NLRP5: variants seen among roughly 807,000 people sequenced by gnomAD.
NLRP5 encodes NLR family pyrin domain containing 5.
NLRP5 carries 93 observed loss-of-function variants against 113.1 expected under a neutral mutation model. The observed-to-expected ratio is 0.82, with a 90% CI of 0.70 to 0.98. The LOEUF (loss-of-function observed/expected upper bound fraction) is 0.98, where lower values mean the gene tolerates loss of function less well. Ranked by LOEUF, NLRP5 falls within the 50% of genes least tolerant of loss-of-function variation. NLRP5 has a pLI of 0.00. For missense variants in NLRP5, 1,808 were observed against 1,514.3 expected (o/e 1.19, Z -3.22); for synonymous variants, 751 against 600.7 (o/e 1.25, Z -3.66).
At chr19:55,997,722 G>T (rs745960155), upstream of NLRP5, among the ~76,000 whole-genome samples, 1 of 152,068 alleles carries the variant, frequency 6.6e-6, no homozygotes, top group Non-Finnish European at 1.5e-5. Context: ...AAATAGCTGG[G>T]TGTGGTGGCT....
At chr19:56,036,827 T>G (rs1983335893) in intron 9 of NLRP5, among the ~76,000 whole-genome samples, 3 of 152,100 alleles carry the variant, frequency 2.0e-5, no homozygotes, top group African/African-American at 2.4e-5. Context: ...CATGATGGCA[T>G]GCACCTGTAA....
chr19:55,991,963 A>G, the NLRP5 span, among the ~76,000 whole-genome samples: 1 of 151,996 alleles, frequency 6.6e-6, no homozygotes, highest in African/African-American at 2.4e-5. Context: ...CTATTTCCTC[A>G]CCCAGGTTAT....
chr19:56,046,850 G>A (rs576119916), intron 11 of NLRP5, among the ~76,000 whole-genome samples: 8 of 152,292 alleles, frequency 5.3e-5, no homozygotes, highest in South Asian at 2.1e-4. Flanking sequence ...TTCTTTGAAC[G>A]TCTGGTAGAA....
In NLRP5 at chr19:56,003,936, T is replaced by A. The variant is rs1373447053; in HGVS notation, c.283T>A (p.Ser95Thr). 3.1e-6 allele frequency: 5 copies of A among 1,614,024 alleles called. No homozygotes were observed. The highest frequency in any genetic ancestry group is 4.2e-6 in the Non-Finnish European group (5 of 1,179,882). Residue 95 changes from serine (S) to threonine (T), a missense_variant, in exon 2 of 15, where the codon TCT (serine) becomes ACT (threonine). By Grantham distance (58) the Ser-to-Thr change is moderately conservative. Coordinates refer to ENST00000390649, the MANE Select transcript of NLRP5 (RefSeq NM_153447.4). The stretch of plus-strand genomic sequence containing the variant: ...GAAATCTTCAGAATCGACCACATGC[T>A]CTATTCCACAGTTTGAAATCGAGAA...
intron 4 of NLRP5, among the ~76,000 whole-genome samples, chr19:56,017,345 CCA>C (rs202125153): frequency 0.029 from 4,339 of 151,664 alleles, 219 homozygotes; most frequent in African/African-American, 0.099. Context: ...CTCACTAACC[CCA>C]AAAGGGGGTT....
At position 56,003,751 on chromosome 19, in the gene NLRP5, T is replaced by C. The variant is rs777475408; in HGVS notation, c.98T>C (p.Ile33Thr). ...CTTTCCACAGGTCCTACTTGCTCTA[T>C]ATTACCAAAGAATCCACTTTTCCCC... The change falls in exon 2 of 15, where the codon ATA becomes ACA. Residue 33 changes from isoleucine to threonine, a missense_variant. By Grantham distance (89) the Ile-to-Thr change is moderately conservative (BLOSUM62 -1). Coordinates refer to ENST00000390649, the MANE Select transcript of NLRP5 (RefSeq NM_153447.4). 4.3e-6 allele frequency: 7 copies of C among 1,613,126 alleles called. No individual in the cohort carries two copies. Among genetic ancestry groups the C allele is most frequent in the Non-Finnish European group, 5.9e-6 (7 of 1,179,612 alleles).
chr19:56,026,440 A>G (rs1982849462), intron 6 of NLRP5, among the ~76,000 whole-genome samples: 2 of 132,660 alleles, frequency 1.5e-5, no homozygotes, highest in Admixed American at 8.6e-5. Context: ...AGGCAGGAGA[A>G]TGGGGTGAAC....
intron 2 of NLRP5, among the ~76,000 whole-genome samples, chr19:56,005,104 AAAAATAT>A (rs1274889270): frequency 3.2e-5 from 4 of 123,674 alleles, no homozygotes; most frequent in Non-Finnish European, 3.4e-5. Context: ...AAAAAAAAAA[AAAAATAT>A]ATATATATAT....
chr19:56,023,508 T>G (rs1214115757), intron 6 of NLRP5, among the ~76,000 whole-genome samples: 2 of 152,182 alleles, frequency 1.3e-5, no homozygotes, highest in African/African-American at 4.8e-5. Context: ...AAATCCGAAT[T>G]TGCTACATGC....
intron 10 of NLRP5, among the ~76,000 whole-genome samples, chr19:56,038,479 G>A (rs890581769): frequency 4.6e-5 from 7 of 152,174 alleles, no homozygotes; most frequent in African/African-American, 7.2e-5. Flanking sequence ...TCTCCTGGGC[G>A]TGAGGCTTAT....
chr19:56,038,571 G>C (rs1983405056), intron 10 of NLRP5, among the ~76,000 whole-genome samples: 1 of 152,092 alleles, frequency 6.6e-6, no homozygotes, highest in Admixed American at 6.6e-5. Flanking sequence ...CAAAGAACAT[G>C]GGTGGCGGTC....
At chr19:56,008,717 A>G (rs529832574) in intron 2 of NLRP5, 71 bp from the exon 3 acceptor site, 2 of 1,364,122 alleles carry the variant, frequency 1.5e-6, no homozygotes, top group African/African-American at 1.4e-5. Flanking sequence ...GACACGGGAC[A>G]TTCTTATCCT....
In NLRP5 at chr19:56,038,092, A is replaced by G; in HGVS notation, c.2683A>G (p.Ser895Gly). The change falls in exon 10 of 15, where the codon AGC becomes GGC. Residue 895 changes from serine (S) to glycine (G), a missense_variant. By Grantham distance (56) the Ser-to-Gly change is moderately conservative (BLOSUM62 0). Transcript: ENST00000390649. ...CTCCCAAATCCTTACGACCTCCCCCAGCCTGAAATCTCTGAGCCTGGCAGG... is the reference window on the plus strand; with the variant it reads ...CTCCCAAATCCTTACGACCTCCCCCGGCCTGAAATCTCTGAGCCTGGCAGG... 6.2e-7 allele frequency: 1 copy of G among 1,613,974 alleles called. No individual in the cohort carries two copies. The highest frequency in any genetic ancestry group is 8.5e-7 in the Non-Finnish European group (1 of 1,179,878).
At chr19:56,056,474 TG>T (rs751152655) in intron 13 of NLRP5, among the ~76,000 whole-genome samples, 2 of 152,110 alleles carry the variant, frequency 1.3e-5, no homozygotes, top group African/African-American at 4.8e-5. Flanking sequence ...GGAGAATCAC[TG>T]GAACCTGGGA....
the NLRP5 span, among the ~76,000 whole-genome samples, chr19:55,994,315 A>G: frequency 2.0e-5 from 3 of 152,190 alleles, no homozygotes; most frequent in Non-Finnish European, 4.4e-5. Flanking sequence ...GAGTTTTGCT[A>G]TACAGTTGTT....
At chr19:56,012,187 C>T (rs1241032905) in intron 3 of NLRP5, among the ~76,000 whole-genome samples, 4 of 152,052 alleles carry the variant, frequency 2.6e-5, no homozygotes, top group African/African-American at 7.2e-5. Flanking sequence ...CTCGCTCTGT[C>T]GCCCAGGCTG....
chr19:56,011,469 G>T (rs1982188570), intron 3 of NLRP5, among the ~76,000 whole-genome samples: 1 of 152,034 alleles, frequency 6.6e-6, no homozygotes, highest in South Asian at 2.1e-4. Flanking sequence ...TTCAATGGGT[G>T]AATTGTATGA....
chr19:56,048,976 T>TA (rs1480064197), intron 11 of NLRP5, among the ~76,000 whole-genome samples: 2 of 67,870 alleles, frequency 2.9e-5, no homozygotes, highest in East Asian at 3.1e-4. Flanking sequence ...ATTTTTTTTT[T>TA]TAATTTTTTT....
At chr19:56,030,640 A>G (rs906843328) in intron 7 of NLRP5, among the ~76,000 whole-genome samples, 8 of 151,884 alleles carry the variant, frequency 5.3e-5, no homozygotes, top group Non-Finnish European at 8.8e-5. Context: ...GGAAATTTAC[A>G]TATCATAAAA....
Sources: gnomAD v4.1 joint callset for allele counts (sites outside exome capture counted in the v4.1 genomes callset) on GRCh38, gnomAD v4.1.1 for gene constraint, MANE v1.5 for transcripts, NCBI Gene and HGNC (gene_info 2026-07-23, HGNC 2026-07-21) for gene names.